Variants in RAC1 observed in about 807,000 individuals in gnomAD.
RAC1 encodes ras-related C3 botulinum toxin substrate 1.
In RAC1, 2 loss-of-function variants were observed where a neutral mutation model predicts 25.2. The ratio of observed to expected loss-of-function variants is 0.08; its 90% confidence interval spans 0.03 to 0.25. The LOEUF is 0.25. Among genes scored for constraint, RAC1 ranks in the 10% least tolerant of loss-of-function variants. The pLI, the probability that RAC1 is intolerant of heterozygous loss-of-function variation, is 1.00. For missense variants in RAC1, 50 were observed against 235.7 expected (o/e 0.21, Z 5.16); for synonymous variants, 88 against 94.0 (o/e 0.94, Z 0.37).
At chr7:6,392,076 A>T (rs578088161) in intron 3 of RAC1, 35 bp downstream of exon 3, 2 of 1,613,432 alleles carry the variant, frequency 1.2e-6, no homozygotes, top group East Asian at 4.5e-5. Context: ...TGTGTCTTTT[A>T]GAGTATATAA....
chr7:6,384,367 C>A (rs907904810), intron 1 of RAC1, among the ~76,000 whole-genome samples: 1 of 152,212 alleles, frequency 6.6e-6, no homozygotes, highest in Non-Finnish European at 1.5e-5. Context: ...TTGGAGGCTT[C>A]TTCTAAAATC....
intron 1 of RAC1, among the ~76,000 whole-genome samples, chr7:6,384,934 T>A (rs1447725106): frequency 6.6e-6 from 1 of 152,038 alleles, no homozygotes; most frequent in African/African-American, 2.4e-5. Flanking sequence ...GCCCCCCAAG[T>A]AGCTGAGACT....
At chr7:6,387,828 A>C (rs1712360117) in intron 2 of RAC1, among the ~76,000 whole-genome samples, 1 of 152,192 alleles carries the variant, frequency 6.6e-6, no homozygotes. Context: ...TCTGTGAGGT[A>C]CAGAGACTGG....
intron 2 of RAC1, among the ~76,000 whole-genome samples, chr7:6,391,255 A>G (rs1583265271): frequency 6.6e-6 from 1 of 150,440 alleles, no homozygotes. Flanking sequence ...TCCTGTGCAG[A>G]GGAAACACTA....
chr7:6,389,008 C>T (rs1783005577), intron 2 of RAC1, among the ~76,000 whole-genome samples: 1 of 151,188 alleles, frequency 6.6e-6, no homozygotes, highest in Admixed American at 6.6e-5. Context: ...CGAGACCAAC[C>T]TGGCCAACAT....
At chr7:6,396,390 T>C (rs758556571) in intron 3 of RAC1, among the ~76,000 whole-genome samples, 2 of 151,986 alleles carry the variant, frequency 1.3e-5, no homozygotes, top group African/African-American at 4.8e-5. Flanking sequence ...CCAGAAGCAC[T>C]AGACAGGGTT....
chr7:6,400,279 A>G (rs997196009), intron 4 of RAC1, 91 bp downstream of exon 4: 10 of 1,307,478 alleles, frequency 7.6e-6, no homozygotes, highest in Non-Finnish European at 7.6e-6. Flanking sequence ...AGGAATTTTT[A>G]GTTATTTAAA....
At position 6,402,440 on chromosome 7, in the gene RAC1, G is replaced by T. The variant is rs538973654; in HGVS notation, c.573G>T (p.Leu191=). 5 of 1,411,022 alleles carry T rather than the reference G, an allele frequency of 3.5e-6. No individual in the cohort carries two copies. The highest frequency in any genetic ancestry group is 4.7e-6 in the Non-Finnish European group (5 of 1,062,716). The allele number at this position is 1,411,022 out of a possible 1,614,324, so 87.4% of individuals were successfully genotyped here. ...PVKKRKRKCL[L]L ...AGAAGAGGAAGAGAAAATGCCTGCT[G>T]TTGTAAATGTCTCAGCCCCTCGTTC... The change falls in exon 6 of 6, where the codon CTG becomes CTT. Residue 191 remains leucine, a synonymous_variant. Coordinates refer to ENST00000348035, the MANE Select transcript of RAC1 (RefSeq NM_006908.5).
At chr7:6,380,378 ATGTGTG>A (rs3838699) in intron 1 of RAC1, among the ~76,000 whole-genome samples, 15 of 151,352 alleles carry the variant, frequency 9.9e-5, no homozygotes, top group Admixed American at 9.2e-4. Flanking sequence ...ATTATACATA[ATGTGTG>A]TGTGTGTGTG....
At chr7:6,398,038 C>G (rs1303227900) in intron 3 of RAC1, among the ~76,000 whole-genome samples, 3 of 152,144 alleles carry the variant, frequency 2.0e-5, no homozygotes, top group African/African-American at 7.2e-5. Context: ...ACAAAGTAGC[C>G]CAGAATTGGA....
At chr7:6,387,409 T>C (rs1782954041) in intron 2 of RAC1, 126 bp downstream of exon 2, 2 of 696,556 alleles carry the variant, frequency 2.9e-6, no homozygotes, top group Admixed American at 3.3e-5. Flanking sequence ...TCTTAAACAT[T>C]CACTGAAACC....
intron 1 of RAC1, among the ~76,000 whole-genome samples, chr7:6,383,709 C>T (rs1301937468): frequency 1.4e-5 from 2 of 143,412 alleles, no homozygotes; most frequent in South Asian, 2.4e-4. Context: ...TTTATCATAA[C>T]AGTCAAAACC....
chr7:6,396,780 C>T (rs1459149120), intron 3 of RAC1, among the ~76,000 whole-genome samples: 2 of 152,130 alleles, frequency 1.3e-5, no homozygotes, highest in East Asian at 1.9e-4. Context: ...CCTGTAATCC[C>T]AGCACTTTGG....
chr7:6,397,177 C>G (rs1029526915), intron 3 of RAC1, among the ~76,000 whole-genome samples: 2 of 142,706 alleles, frequency 1.4e-5, no homozygotes, highest in Middle Eastern at 3.5e-3. Flanking sequence ...GGAGGTGGAG[C>G]TTGCAGTGAG....
At chr7:6,392,603 G>T (rs1783119237) in intron 3 of RAC1, among the ~76,000 whole-genome samples, 1 of 152,188 alleles carries the variant, frequency 6.6e-6, no homozygotes, top group Non-Finnish European at 1.5e-5. Context: ...TTCTGTATCA[G>T]ACAACTAAGT....
chr7:6,389,323 G>A (rs922105570), intron 2 of RAC1, among the ~76,000 whole-genome samples: 1 of 151,898 alleles, frequency 6.6e-6, no homozygotes, highest in East Asian at 1.9e-4. Flanking sequence ...TGCCATTAAC[G>A]TGGGTTGAAG....
At position 6,402,411 on chromosome 7, in the gene RAC1, G is replaced by A. The variant is rs752996571; in HGVS notation, c.544G>A (p.Val182Met). The change falls in exon 6 of 6, where the codon GTG becomes ATG. Residue 182 changes from valine to methionine, a missense_variant. Coordinates refer to ENST00000348035, the MANE Select transcript of RAC1 (RefSeq NM_006908.5). ...CCGAGCAGTCCTCTGCCCGCCTCCC[G>A]TGAAGAAGAGGAAGAGAAAATGCCT... ...AIRAVLCPPP[V>M]KKRKRKCLLL 8 of 1,598,328 alleles carry A rather than the reference G, an allele frequency of 5.0e-6. No individual in the cohort carries two copies. Among genetic ancestry groups the A allele is most frequent in the African/African-American group, 2.7e-5 (2 of 73,000 alleles).
At chr7:6,399,539 G>A (rs1326361462) in intron 3 of RAC1, among the ~76,000 whole-genome samples, 13 of 152,194 alleles carry the variant, frequency 8.5e-5, no homozygotes, top group Admixed American at 8.5e-4. Flanking sequence ...CAGCTGCCCC[G>A]GGAGCGAGTT....
At chr7:6,402,097 C>T (rs555045572) in intron 5 of RAC1, 70 bp downstream of exon 5, 1 of 1,541,902 alleles carries the variant, frequency 6.5e-7, no homozygotes, top group East Asian at 2.3e-5. Flanking sequence ...GGAGTCCAGT[C>T]TGGGAAAGGA....
Sources: allele counts gnomAD v4.1 joint callset (sites outside exome capture counted in the v4.1 genomes callset), GRCh38; gene constraint gnomAD v4.1.1; transcripts MANE v1.5; gene names NCBI Gene and HGNC (gene_info 2026-07-23, HGNC 2026-07-21).